Variants in SYCE1 observed in about 807,000 individuals in gnomAD.
SYCE1 encodes the protein synaptonemal complex central element protein 1.
Under a neutral mutation model 55.1 loss-of-function variants are expected in SYCE1, and 37 were observed. The ratio of observed to expected loss-of-function variants is 0.67; its 90% CI spans 0.52 to 0.88. SYCE1 has a LOEUF of 0.88. Among genes scored for constraint, SYCE1 ranks in the 40% least tolerant of loss-of-function variants. SYCE1 has a pLI of 0.00. For missense variants in SYCE1, 399 were observed against 416.4 expected (o/e 0.96, Z 0.36); for synonymous variants, 163 against 159.4 (o/e 1.02, Z -0.17).
chr10:133,559,810 G>A (rs1206889138), intron 2 of SYCE1: 1 of 470,484 alleles, frequency 2.1e-6, no homozygotes, highest in African/African-American at 2.0e-5. Flanking sequence ...GGAAGTGAAG[G>A]CGGCAACTTC....
At chr10:133,567,718 G>A (rs558986220), upstream of SYCE1, 1 of 237,494 alleles carries the variant, frequency 4.2e-6, no homozygotes, top group African/African-American at 2.3e-5. Context: ...GGCATGGGGA[G>A]CTGGGGTGGC....
At chr10:133,567,510 A>G (rs1422027803), upstream of SYCE1, among the ~76,000 whole-genome samples, 2 of 151,878 alleles carry the variant, frequency 1.3e-5, no homozygotes, top group African/African-American at 4.8e-5. Context: ...CTGCTTGGGA[A>G]TGTTCCTGGG....
At chr10:133,559,204 G>C in intron 3 of SYCE1, 97 bp downstream of exon 3, 2 of 1,349,172 alleles carry the variant, frequency 1.5e-6, no homozygotes, top group Non-Finnish European at 2.1e-6. Flanking sequence ...TGAATAACCA[G>C]TAACTTTGGA....
intron 12 of SYCE1, 54 bp downstream of exon 12, chr10:133,555,297 C>T (rs1335065782): frequency 5.6e-5 from 90 of 1,608,790 alleles, no homozygotes; most frequent in Middle Eastern, 1.9e-4. Flanking sequence ...CCGCCCCTTC[C>T]GCTGTCCCTT....
At chr10:133,564,166 G>A (rs1851874967) in intron 1 of SYCE1, among the ~76,000 whole-genome samples, 1 of 152,124 alleles carries the variant, frequency 6.6e-6, no homozygotes, top group Admixed American at 6.6e-5. Context: ...GGTCATGAGA[G>A]TAGGGCCCTC....
At chr10:133,555,738 C>G (rs377480395) in intron 10 of SYCE1, 31 bp from the exon 11 acceptor site, 2 of 1,608,548 alleles carry the variant, frequency 1.2e-6, no homozygotes, top group Non-Finnish European at 1.7e-6. Context: ...TGGTCAGCAC[C>G]GGCCACTCCC....
Position 133,557,103 on chromosome 10 carries a change from T to C in SYCE1, c.428A>G (p.Gln143Arg), listed in dbSNP as rs1410026849. ...CKERISALNL[Q>R]IEEEKNKQRQ... Reference sequence around the variant, plus strand: ...CTGTTTGTTCTTCTCTTCTTCAATCTGCAAGTTCAGGGCAGAAATTCTCTC... The same window carrying C: ...CTGTTTGTTCTTCTCTTCTTCAATCCGCAAGTTCAGGGCAGAAATTCTCTC... Residue 143 changes from glutamine to arginine, a missense_variant, in exon 7 of 13, where the codon CAG (glutamine) becomes CGG (arginine). Physicochemically the swap from Gln to Arg is conservative, Grantham distance 43. Transcript: ENST00000343131. The C allele has an allele frequency of 6.2e-7, 1 of 1,614,158 alleles. No homozygotes were observed. The highest frequency in any genetic ancestry group is 8.5e-7 in the Non-Finnish European group (1 of 1,180,030).
chr10:133,562,424 T>C (rs934297717), intron 1 of SYCE1, among the ~76,000 whole-genome samples: 5 of 152,114 alleles, frequency 3.3e-5, no homozygotes, highest in African/African-American at 9.7e-5. Context: ...TTTCTTCATA[T>C]AGTTCTGCTG....
intron 1 of SYCE1, among the ~76,000 whole-genome samples, chr10:133,563,757 A>C (rs1851866141): frequency 6.7e-6 from 1 of 149,856 alleles, no homozygotes; most frequent in African/African-American, 2.4e-5. Flanking sequence ...GAGTCCCCTC[A>C]TTTTGGTCCC....
At position 133,559,413 on chromosome 10, in the gene SYCE1, T is replaced by G. The variant is rs1851767653; in HGVS notation, c.137-53A>C. 11 of 1,568,106 alleles carry G rather than the reference T, an allele frequency of 7.0e-6. No homozygotes were observed. The Admixed American group carries it at 1.0e-4, about 14-fold the overall frequency. ...ACAGGGCAGGCAGAGTTGGGGCGGT[T>G]GCCAGCCTTGTGTCTCTGCTGCTTT... On this transcript the variant is annotated intron_variant, in intron 2 of 12. Transcript: ENST00000343131.
intron 6 of SYCE1, 42 bp from the exon 7 acceptor site, chr10:133,557,198 C>A (rs1422704593): frequency 2.5e-6 from 4 of 1,570,150 alleles, no homozygotes; most frequent in Admixed American, 3.3e-5. Flanking sequence ...TCTCTTAAGC[C>A]CCAGGAGGGC....
chr10:133,565,635 A>C (rs1232512163), upstream of SYCE1: 5 of 1,096,114 alleles, frequency 4.6e-6, no homozygotes, highest in East Asian at 2.9e-5. Context: ...TGCGCAATGC[A>C]CTCCTGCGCG....
At chr10:133,554,446 A>C, downstream of SYCE1, 1 of 894,236 alleles carries the variant, frequency 1.1e-6, no homozygotes, top group Non-Finnish European at 1.9e-6. Context: ...AATTTGAAAC[A>C]TGTATCAGAT....
upstream of SYCE1, among the ~76,000 whole-genome samples, chr10:133,566,940 G>T (rs1033214383): frequency 5.3e-5 from 8 of 150,302 alleles, no homozygotes; most frequent in Non-Finnish European, 5.9e-5. Flanking sequence ...TTAGCTTCAG[G>T]GTTCGGTGTC....
intron 8 of SYCE1, chr10:133,556,475 G>A (rs1234801004): frequency 5.5e-6 from 3 of 541,140 alleles, no homozygotes; most frequent in South Asian, 2.2e-5. Context: ...GGACAAACAC[G>A]GGCTGCTTAT....
Position 133,555,633 on chromosome 10 carries a change from T to TGCAGCTGCTGGTGGCGCTGGGCA in SYCE1, c.771_793dup (p.Gln265LeufsTer22). ...CTGCTGCTGTTGTTGGCACTTCTGCTGCAGCTGCTGGTGGCGCTGGGCAGC... is the reference window on the plus strand; with the variant it reads ...CTGCTGCTGTTGTTGGCACTTCTGCTGCAGCTGCTGGTGGCGCTGGGCAGCAGCTGCTGGTGGCGCTGGGCAGC... On this transcript the variant is annotated frameshift_variant, in exon 11 of 13. Transcript: ENST00000343131. LOFTEE classifies it high-confidence loss of function. The TGCAGCTGCTGGTGGCGCTGGGCA allele has an allele frequency of 6.2e-7, 1 of 1,606,008 alleles. No homozygotes were observed. Among genetic ancestry groups the TGCAGCTGCTGGTGGCGCTGGGCA allele is most frequent in the Non-Finnish European group, 8.5e-7 (1 of 1,179,898 alleles).
intron 1 of SYCE1, chr10:133,564,298 G>T (rs373415320): frequency 5.2e-6 from 4 of 774,466 alleles, no homozygotes; most frequent in East Asian, 2.6e-4. Context: ...ACGCTGAATT[G>T]CACCTTGATC....
chr10:133,562,781 T>A (rs1451192351), intron 1 of SYCE1, among the ~76,000 whole-genome samples: 1 of 152,192 alleles, frequency 6.6e-6, no homozygotes, highest in Non-Finnish European at 1.5e-5. Context: ...TAATTCTCCC[T>A]TTTTGCAGAC....
rs1302134629 is a variant in SYCE1 at position 133,558,168 on chromosome 10, T to C, written c.318A>G (p.Gln106=). 6.2e-7 allele frequency: 1 copy of C among 1,614,074 alleles called. No individual in the cohort carries two copies. Among genetic ancestry groups the C allele is most frequent in the African/African-American group, 1.3e-5 (1 of 74,914 alleles). ...TGGAGACAGGGGAGCGGCAAATACC[T>C]TGTTTTTTGCTCAAGATCTCCTTCA... ...VHLKEILSKK[Q]ETLRILRLHC... Residue 106 remains glutamine (Q), a splice_region_variant and synonymous_variant, in exon 5 of 13, where the codon CAA becomes CAG. Transcript: ENST00000343131.
Sources: allele counts gnomAD v4.1 joint callset (sites outside exome capture counted in the v4.1 genomes callset), GRCh38; gene constraint gnomAD v4.1.1; transcripts MANE v1.5; gene names NCBI Gene and HGNC (gene_info 2026-07-23, HGNC 2026-07-21).